Variants in IFT20 observed in about 807,000 individuals in gnomAD.
IFT20 encodes the protein intraflagellar transport protein 20 homolog.
In IFT20, 4 loss-of-function variants were observed where a neutral mutation model predicts 16.9. That is an observed-to-expected ratio of 0.24 (90% CI 0.12 to 0.54). The LOEUF is 0.54. IFT20 is among the 20% of genes least tolerant of loss of function. IFT20 has a pLI of 0.95. For synonymous variants in IFT20, 48 were observed against 49.9 expected, an observed-to-expected ratio of 0.96 and a Z score of 0.16; for missense variants, 154 against 149.7, an observed-to-expected ratio of 1.03 and a Z score of -0.15.
chr17:28,333,962 G>C (rs1021517925), intron 1 of IFT20, among the ~76,000 whole-genome samples: 1 of 152,140 alleles, frequency 6.6e-6, no homozygotes, highest in African/African-American at 2.4e-5. Flanking sequence ...GTCTTTCGCA[G>C]CTACAGGTCA....
intron 3 of IFT20, chr17:28,329,795 C>T (rs1430658182): frequency 5.6e-6 from 1 of 179,700 alleles, no homozygotes; most frequent in African/African-American, 2.4e-5. Flanking sequence ...GGCGCAGTCA[C>T]TCACGCCTTA....
intron 4 of IFT20, 59 bp from the exon 5 acceptor site, chr17:28,328,792 T>G: frequency 1.0e-6 from 1 of 994,056 alleles, no homozygotes; most frequent in Non-Finnish European, 1.6e-6. Context: ...ACAGACCTAA[T>G]TCTTCTAGAG....
chr17:28,329,103 G>A, intron 4 of IFT20, 70 bp downstream of exon 4: 1 of 1,018,860 alleles, frequency 9.8e-7, no homozygotes. Flanking sequence ...AGGACAAGAA[G>A]TGATCATTCC....
At chr17:28,330,041 C>T (rs368942190) in intron 3 of IFT20, 9 of 490,680 alleles carry the variant, frequency 1.8e-5, no homozygotes, top group South Asian at 3.1e-5. Context: ...GCCTGGGCAA[C>T]GAGAGAAAAC....
At chr17:28,330,354 C>A in intron 3 of IFT20, 89 bp downstream of exon 3, 1 of 932,240 alleles carries the variant, frequency 1.1e-6, no homozygotes, top group African/African-American at 1.6e-5. Context: ...CCCTCTACCC[C>A]TCTAAATAAA....
chr17:28,331,623 A>G (rs1555576548), intron 2 of IFT20: 5 of 504,668 alleles, frequency 9.9e-6, no homozygotes, highest in Non-Finnish European at 1.8e-5. Context: ...GAAAGATGGC[A>G]TATCTAAAGA....
rs1255586050 is a variant in IFT20, at chr17:28,332,224, G to A, written c.-2-237C>T. 10 of 1,535,870 alleles carry A rather than the reference G, an allele frequency of 6.5e-6. No homozygotes were observed. The Admixed American group carries it at 1.4e-4, about 21-fold the overall frequency. ...GCAGTCAGGAGGAGGTGTGTCATAG[G>A]AGCAAGGGTCAGGAAAGAATAAAGT... On this transcript the variant is annotated intron_variant, in intron 1 of 4. Transcript: ENST00000395418.
chr17:28,331,000 A>C (rs1341886903), intron 2 of IFT20, among the ~76,000 whole-genome samples: 6 of 152,202 alleles, frequency 3.9e-5, no homozygotes, highest in Admixed American at 3.9e-4. Flanking sequence ...CTTCCCCAGG[A>C]GTGACAGGAA....
chr17:28,331,193 G>A (rs1906753704), intron 2 of IFT20, among the ~76,000 whole-genome samples: 1 of 152,248 alleles, frequency 6.6e-6, no homozygotes. Context: ...TCCTGGATGT[G>A]ACAATTTACT....
Position 28,329,281 on chromosome 17 carries a change from A to G in IFT20, c.214-5T>C. 2 of 1,611,012 alleles carry G rather than the reference A, an allele frequency of 1.2e-6. No individual in the cohort carries two copies. The highest frequency in any genetic ancestry group is 1.1e-5 in the South Asian group (1 of 90,756). On this transcript the variant is annotated splice_polypyrimidine_tract_variant and splice_region_variant and intron_variant, in intron 3 of 4. Coordinates refer to ENST00000395418, the MANE Select transcript of IFT20 (RefSeq NM_001267776.2). ...CAAGTTCCGAGCACCGATGGCCTAC[A>G]GTATTGCCAGAGAAGGCCATGGCTT...
At chr17:28,330,112 T>C in intron 3 of IFT20, 1 of 604,678 alleles carries the variant, frequency 1.7e-6, no homozygotes, top group Non-Finnish European at 2.9e-6. Context: ...GGCACACACC[T>C]GTAGTCCCAC....
intron 4 of IFT20, 33 bp downstream of exon 4, chr17:28,329,140 G>T: frequency 6.9e-7 from 1 of 1,439,390 alleles, no homozygotes; most frequent in Non-Finnish European, 9.8e-7. Context: ...ATTCAGCTGT[G>T]TAAAGAACTT....
intron 3 of IFT20, chr17:28,330,154 T>C (rs1555576261): frequency 9.6e-6 from 6 of 625,312 alleles, no homozygotes; most frequent in African/African-American, 1.9e-5. Context: ...GAGAATCGCT[T>C]GAATCTGAGA....
In IFT20 at chr17:28,328,708, A is replaced by C. The variant is rs1161843907; in HGVS notation, c.343T>G (p.Cys115Gly). The C allele has an allele frequency of 6.2e-7, 1 of 1,602,468 alleles. No homozygotes were observed. Among genetic ancestry groups the C allele is most frequent in the African/African-American group, 1.3e-5 (1 of 74,118 alleles). ...ERYRVEYEAL[C>G]KVEAEQNEFI... ...TCATTTTGTTCTGCTTCTACTTTAC[A>C]CAAAGCTTCATATTCAACCCGATAC... The change falls in exon 5 of 5, where the codon TGT becomes GGT. Residue 115 changes from cysteine to glycine, a missense_variant. Transcript: ENST00000395418.
rs1300987872 is a variant in IFT20 at position 28,335,456 on chromosome 17, A to G, written c.-119T>C. On this transcript the variant is annotated 5_prime_UTR_variant, in exon 1 of 5. Transcript: ENST00000395418. ...CTGCCACGGCCGCTGCCACGGATACAGAGCCTGTTTACCTATGACGTCACT... is the reference window on the plus strand; with the variant it reads ...CTGCCACGGCCGCTGCCACGGATACGGAGCCTGTTTACCTATGACGTCACT... 6.6e-6 allele frequency: 1 copy of G among 152,380 alleles called. No individual in the cohort carries two copies. Among genetic ancestry groups the G allele is most frequent in the Non-Finnish European group, 1.5e-5 (1 of 68,192 alleles). The allele number at this position is 152,380 out of a possible 1,614,324, so 9.4% of individuals were successfully genotyped here.
At chr17:28,333,372 A>T (rs1597788937) in intron 1 of IFT20, among the ~76,000 whole-genome samples, 2 of 152,228 alleles carry the variant, frequency 1.3e-5, no homozygotes, top group South Asian at 4.1e-4. Flanking sequence ...CAATGGCTGG[A>T]AAATAATCAA....
In IFT20 at chr17:28,330,505, C is replaced by T; in HGVS notation, c.151G>A (p.Val51Ile). 1 of 1,613,404 alleles carries T rather than the reference C, an allele frequency of 6.2e-7. No individual in the cohort carries two copies. The highest frequency in any genetic ancestry group is 8.5e-7 in the Non-Finnish European group (1 of 1,179,388). Reference sequence around the variant, plus strand: ...TCAACAAGCTCAATTAAACCACCAACTATTTTCTGAAACTGGCCAATTTCT... The same window carrying T: ...TCAACAAGCTCAATTAAACCACCAATTATTTTCTGAAACTGGCCAATTTCT... ...VDKIGQFQKI[V>I]GGLIELVDQL... The change falls in exon 3 of 5, where the codon GTT becomes ATT. Residue 51 changes from valine to isoleucine, a missense_variant. Val to Ile is a conservative substitution (Grantham distance 29). Transcript: ENST00000395418.
chr17:28,334,157 GATATTACT>G (rs1906972827), intron 1 of IFT20, among the ~76,000 whole-genome samples: 1 of 152,210 alleles, frequency 6.6e-6, no homozygotes, highest in South Asian at 2.1e-4. Flanking sequence ...CACAAATCGT[GATATTACT>G]ATAAGGAAAA....
intron 3 of IFT20, 110 bp downstream of exon 3, chr17:28,330,333 C>A: frequency 1.3e-6 from 1 of 755,036 alleles, no homozygotes; most frequent in Non-Finnish European, 2.4e-6. Context: ...AATAAAAATT[C>A]ACCCACCCAG....
Sources: allele counts gnomAD v4.1 joint callset (sites outside exome capture counted in the v4.1 genomes callset), GRCh38; gene constraint gnomAD v4.1.1; transcripts MANE v1.5; gene names NCBI Gene and HGNC (gene_info 2026-07-23, HGNC 2026-07-21).